Variants in NECTIN3 observed in about 807,000 individuals in gnomAD.
The protein encoded by NECTIN3 is nectin cell adhesion molecule 3.
A neutral mutation model predicts 49.4 loss-of-function variants in NECTIN3; 8 were observed. The observed-to-expected ratio is 0.16, with a 90% CI of 0.10 to 0.29. The LOEUF (loss-of-function observed/expected upper bound fraction) is 0.29. NECTIN3 is among the 10% of genes least tolerant of loss of function. The pLI is 1.00. For missense variants in NECTIN3, 581 were observed against 654.6 expected (o/e 0.89, Z 1.23); for synonymous variants, 277 against 241.1 (o/e 1.15, Z -1.38).
At chr3:111,072,655 C>G (rs1056635093) in intron 1 of NECTIN3, 9 of 1,332,958 alleles carry the variant, frequency 6.8e-6, no homozygotes, top group African/African-American at 1.5e-5. Flanking sequence ...GGAGAAGGCA[C>G]CATTTTAGCC....
At chr3:111,138,721 A>T (rs150763558), downstream of NECTIN3, among the ~76,000 whole-genome samples, 27 of 151,792 alleles carry the variant, frequency 1.8e-4, no homozygotes, top group Non-Finnish European at 3.0e-4. Flanking sequence ...AATGAAGCTG[A>T]TTGAAAGTGA....
At chr3:111,156,453 A>G (rs2035100690) in intron 7 of NECTIN3, among the ~76,000 whole-genome samples, 1 of 152,246 alleles carries the variant, frequency 6.6e-6, no homozygotes, top group Non-Finnish European at 1.5e-5. Flanking sequence ...TAAGTTAGAA[A>G]TACTAGATTA....
In NECTIN3 at chr3:111,071,947, C is replaced by G; in HGVS notation, c.-71C>G. On this transcript the variant is annotated 5_prime_UTR_variant, in exon 1 of 6. Coordinates refer to ENST00000485303, the MANE Select transcript of NECTIN3 (RefSeq NM_015480.3). Reference sequence around the variant, plus strand: ...CGCCGGACCTTCCACAGCCTCCGCCCAGAGCCTGAGGCGCCGGGGCCGGGG... The same window carrying G: ...CGCCGGACCTTCCACAGCCTCCGCCGAGAGCCTGAGGCGCCGGGGCCGGGG... 1 of 1,193,266 alleles carries G rather than the reference C, an allele frequency of 8.4e-7. No homozygotes were observed. Among genetic ancestry groups the G allele is most frequent in the East Asian group, 3.1e-5 (1 of 32,132 alleles). 73.9% of individuals were successfully genotyped at this position (1,193,266 alleles called of 1,614,324 possible).
At chr3:111,155,075 C>G (rs1209793848) in intron 7 of NECTIN3, among the ~76,000 whole-genome samples, 1 of 152,076 alleles carries the variant, frequency 6.6e-6, no homozygotes, top group Non-Finnish European at 1.5e-5. Flanking sequence ...GTAGCTGGGA[C>G]TACAGGTGCG....
intron 7 of NECTIN3, among the ~76,000 whole-genome samples, chr3:111,184,370 T>C (rs1264829404): frequency 2.0e-5 from 3 of 152,236 alleles, no homozygotes; most frequent in South Asian, 2.1e-4. Context: ...AATCACCTTC[T>C]ACCTTCATTA....
chr3:111,074,575 G>C (rs1053924647), intron 1 of NECTIN3, among the ~76,000 whole-genome samples: 2 of 152,070 alleles, frequency 1.3e-5, no homozygotes, highest in Non-Finnish European at 2.9e-5. Context: ...TGGTGGACCT[G>C]ATATTCTGAA....
chr3:111,149,929 T>C (rs1279459780), intron 7 of NECTIN3, among the ~76,000 whole-genome samples: 1 of 152,004 alleles, frequency 6.6e-6, no homozygotes, highest in Non-Finnish European at 1.5e-5. Flanking sequence ...AATAATGCTA[T>C]TTTTTAGCCT....
At chr3:111,175,688 A>G (rs1476918075) in intron 7 of NECTIN3, among the ~76,000 whole-genome samples, 1 of 152,090 alleles carries the variant, frequency 6.6e-6, no homozygotes, top group African/African-American at 2.4e-5. Context: ...GATATTGCAA[A>G]CATGATGACA....
chr3:111,136,970 C>A lies in NECTIN3; in HGVS notation c.*2755C>A. ...TGCCTAGTAGGGTTCTATTTGCTAA[C>A]TCTAATATTGAGGAAACTATTAAGG... On this transcript the variant is annotated 3_prime_UTR_variant, in exon 6 of 6. Transcript: ENST00000485303. 1.0e-6 allele frequency: 1 copy of A among 976,756 alleles called. No individual in the cohort carries two copies. The highest frequency in any genetic ancestry group is 1.2e-6 in the Non-Finnish European group (1 of 822,308). 60.5% of individuals were successfully genotyped at this position (976,756 alleles called of 1,614,324 possible).
At chr3:111,094,422 G>C (rs1170024261) in intron 1 of NECTIN3, among the ~76,000 whole-genome samples, 1 of 151,996 alleles carries the variant, frequency 6.6e-6, no homozygotes, top group Non-Finnish European at 1.5e-5. Context: ...TTGCCTTTCT[G>C]TGCTTTTTCA....
At chr3:111,088,212 T>TG (rs1235059465) in intron 1 of NECTIN3, among the ~76,000 whole-genome samples, 1 of 152,018 alleles carries the variant, frequency 6.6e-6, no homozygotes, top group Non-Finnish European at 1.5e-5. Flanking sequence ...CTGCAAGAGT[T>TG]GTTTGTTAAA....
intron 7 of NECTIN3, among the ~76,000 whole-genome samples, chr3:111,176,397 A>T (rs958526338): frequency 7.9e-5 from 12 of 152,152 alleles, no homozygotes; most frequent in African/African-American, 2.9e-4. Flanking sequence ...TGGCTCTCCT[A>T]AACTCATAAA....
At chr3:111,084,700 G>A (rs965139143) in intron 1 of NECTIN3, among the ~76,000 whole-genome samples, 3 of 152,148 alleles carry the variant, frequency 2.0e-5, no homozygotes, top group Non-Finnish European at 4.4e-5. Flanking sequence ...GTTTAGAAAC[G>A]AGATAATTAA....
intron 7 of NECTIN3, among the ~76,000 whole-genome samples, chr3:111,173,943 T>C (rs1488717018): frequency 1.3e-5 from 2 of 152,200 alleles, no homozygotes; most frequent in Non-Finnish European, 2.9e-5. Flanking sequence ...AGAACCTAGC[T>C]GTCATCATCA....
intron 1 of NECTIN3, among the ~76,000 whole-genome samples, chr3:111,094,860 T>A (rs1321737265): frequency 1.3e-5 from 2 of 152,170 alleles, no homozygotes; most frequent in African/African-American, 4.8e-5. Flanking sequence ...ATAAACCATA[T>A]TTGCACAAAG....
chr3:111,072,615 C>A, intron 1 of NECTIN3: 1 of 1,516,320 alleles, frequency 6.6e-7, no homozygotes, highest in East Asian at 2.5e-5. Context: ...AATGAAGCCT[C>A]CGGGTCCACT....
At chr3:111,117,025 T>TC (rs964367941) in intron 2 of NECTIN3, among the ~76,000 whole-genome samples, 2 of 152,170 alleles carry the variant, frequency 1.3e-5, no homozygotes, top group African/African-American at 4.8e-5. Context: ...TGGAAATGTT[T>TC]CTTGTAAAAT....
intron 1 of NECTIN3, chr3:111,193,529 T>A: frequency 1.1e-6 from 1 of 896,684 alleles, no homozygotes; most frequent in Non-Finnish European, 1.6e-6. Flanking sequence ...GTAAAGCCAA[T>A]AGCAAATTTC....
chr3:111,169,343 G>A (rs2035389650), intron 7 of NECTIN3, among the ~76,000 whole-genome samples: 1 of 146,802 alleles, frequency 6.8e-6, no homozygotes, highest in South Asian at 2.2e-4. Flanking sequence ...GCCCGTCTCA[G>A]CCTCCCAAAG....
Sources: gnomAD v4.1 joint callset for allele counts (sites outside exome capture counted in the v4.1 genomes callset) on GRCh38, gnomAD v4.1.1 for gene constraint, MANE v1.5 for transcripts, NCBI Gene and HGNC (gene_info 2026-07-23, HGNC 2026-07-21) for gene names.